The following NELL2 variants were observed in gnomAD, a reference collection of about 807,000 sequenced individuals.
The protein encoded by NELL2 is protein kinase C-binding protein NELL2.
In NELL2, 41 loss-of-function variants were observed where a neutral mutation model predicts 109.6. The ratio of observed to expected loss-of-function variants is 0.37; its 90% confidence interval spans 0.29 to 0.49. NELL2 has a LOEUF of 0.49. Ranked by LOEUF, NELL2 falls within the 20% of genes least tolerant of loss-of-function variation. The pLI, the probability that NELL2 is intolerant of heterozygous loss-of-function variation, is 0.98. For missense variants in NELL2, 900 were observed against 1,008.3 expected (o/e 0.89, Z 1.45); for synonymous variants, 355 against 344.7 (o/e 1.03, Z -0.33).
intron 2 of NELL2, among the ~76,000 whole-genome samples, chr12:44,846,834 A>G (rs189874129): frequency 3.3e-5 from 5 of 152,340 alleles, no homozygotes; most frequent in Admixed American, 2.6e-4. Context: ...TATGTATGAC[A>G]CATACAAATG....
intron 12 of NELL2, among the ~76,000 whole-genome samples, chr12:44,695,304 A>G (rs1039321553): frequency 2.0e-5 from 3 of 152,114 alleles, no homozygotes; most frequent in African/African-American, 7.2e-5. Flanking sequence ...AAAAAAAAAA[A>G]AAGAAGAAGC....
rs768969140 is a variant in NELL2 at position 44,777,027 on chromosome 12, T to C, written c.762+15A>G. Reference sequence around the variant, plus strand: ...ATTTTTAAGCTTCCACACTGTATTCTTGAGTAGCTTTTACCTTGGCTGATG... The same window carrying C: ...ATTTTTAAGCTTCCACACTGTATTCCTGAGTAGCTTTTACCTTGGCTGATG... On this transcript the variant is annotated intron_variant, in intron 7 of 19. Coordinates refer to ENST00000429094, the MANE Select transcript of NELL2 (RefSeq NM_001145108.2). 3 of 1,611,888 alleles carry C rather than the reference T, an allele frequency of 1.9e-6. No homozygotes were observed. The Admixed American group carries it at 5.0e-5, about 27-fold the overall frequency.
At chr12:44,680,809 G>A (rs1384008108) in intron 12 of NELL2, among the ~76,000 whole-genome samples, 1 of 151,924 alleles carries the variant, frequency 6.6e-6, no homozygotes, top group Non-Finnish European at 1.5e-5. Flanking sequence ...CCCCCAAATC[G>A]CAGTTATTGT....
Position 44,876,115 on chromosome 12 carries a change from G to T in NELL2, c.-246C>A. ...CACGCAGGGCCGAGGCGGCAGCGCGGCCCGGAGGGGGCCCGGAGGGAGGGG... is the reference window on the plus strand; with the variant it reads ...CACGCAGGGCCGAGGCGGCAGCGCGTCCCGGAGGGGGCCCGGAGGGAGGGG... On this transcript the variant is annotated 5_prime_UTR_variant, in exon 1 of 20. Transcript: ENST00000429094. The T allele has an allele frequency of 7.6e-7, 1 of 1,315,932 alleles. No homozygotes were observed. Among genetic ancestry groups the T allele is most frequent in the Non-Finnish European group, 9.7e-7 (1 of 1,032,768 alleles). The allele number at this position is 1,315,932 out of a possible 1,614,324, so 81.5% of individuals were successfully genotyped here. A position where few individuals can be genotyped will look rare whatever the true frequency, so the allele number is the denominator to read the frequency against.
intron 15 of NELL2, among the ~76,000 whole-genome samples, chr12:44,564,206 T>C (rs1023728371): frequency 2.0e-5 from 3 of 152,154 alleles, no homozygotes; most frequent in African/African-American, 7.2e-5. Flanking sequence ...TTCAGGTCAG[T>C]AGGGGAATGC....
At chr12:44,757,195 G>A (rs921982485) in intron 9 of NELL2, among the ~76,000 whole-genome samples, 1 of 151,940 alleles carries the variant, frequency 6.6e-6, no homozygotes, top group African/African-American at 2.4e-5. Flanking sequence ...TCATATATAC[G>A]AATCCATTTG....
intron 15 of NELL2, among the ~76,000 whole-genome samples, chr12:44,583,254 T>G (rs1944385095): frequency 6.6e-6 from 1 of 152,204 alleles, no homozygotes; most frequent in Non-Finnish European, 1.5e-5. Context: ...GGGTATAAGA[T>G]TCAAAGCTCA....
Position 44,540,785 on chromosome 12 carries a change from A to AAAAAAAAAAAAAAAAAG in NELL2, c.1664-8065_1664-8064insCTTTTTTTTTTTTTTTT, listed in dbSNP as rs1395687561. Among the ~76,000 whole-genome samples, 2 of 148,664 alleles carry AAAAAAAAAAAAAAAAAG rather than the reference A, an allele frequency of 1.3e-5. 1 individual carries two copies. Among genetic ancestry groups the AAAAAAAAAAAAAAAAAG allele is most frequent in the Non-Finnish European group, 3.0e-5 (2 of 67,172 alleles). On this transcript the variant is annotated intron_variant, in intron 15 of 19. Transcript: ENST00000429094. ...TACTAATGTAAGTCTGCAAGCCAAA[A>AAAAAAAAAAAAAAAAAG]AAAAAAAAAAAAAGCCCATCCTCAT...
chr12:44,861,319 T>A (rs1301984005), intron 2 of NELL2, among the ~76,000 whole-genome samples: 2 of 152,076 alleles, frequency 1.3e-5, no homozygotes, highest in Admixed American at 1.3e-4. Flanking sequence ...GACTCCACAG[T>A]CACAGACTCT....
chr12:44,541,250 C>A (rs374422255), intron 15 of NELL2, among the ~76,000 whole-genome samples: 801 of 78,574 alleles, frequency 0.01, no homozygotes, highest in Middle Eastern at 0.017. Context: ...GACTCCATCT[C>A]AAAAAAAAAA....
At chr12:44,755,159 CCT>C (rs1161172961) in intron 9 of NELL2, among the ~76,000 whole-genome samples, 2 of 152,146 alleles carry the variant, frequency 1.3e-5, no homozygotes, top group Non-Finnish European at 2.9e-5. Context: ...CTCCCTGAAT[CCT>C]GTTATTCCAG....
chr12:44,912,503 G>T (rs11182741), intron 1 of NELL2, among the ~76,000 whole-genome samples: 14,405 of 151,982 alleles, frequency 0.095, 866 homozygotes, highest in Admixed American at 0.17. Context: ...TTTCACAATA[G>T]AATCTTTTTT....
intron 15 of NELL2, among the ~76,000 whole-genome samples, chr12:44,588,510 C>T (rs1944627472): frequency 6.6e-6 from 1 of 152,124 alleles, no homozygotes. Flanking sequence ...AGGGATCTTC[C>T]CTTGCATGCC....
At chr12:44,780,880 C>T (rs1413629468) in intron 3 of NELL2, among the ~76,000 whole-genome samples, 1 of 152,074 alleles carries the variant, frequency 6.6e-6, no homozygotes, top group African/African-American at 2.4e-5. Flanking sequence ...CTGGCAGTAA[C>T]AAGATGGCAC....
chr12:44,779,858 T>C lies in NELL2; in HGVS notation c.500A>G (p.Asp167Gly), dbSNP rs752102409. 6.2e-7 allele frequency: 1 copy of C among 1,613,742 alleles called. No homozygotes were observed. The highest frequency in any genetic ancestry group is 1.3e-5 in the African/African-American group (1 of 74,920). The change falls in exon 4 of 20, where the codon GAC becomes GGC. Residue 167 changes from aspartate (D) to glycine (G), a missense_variant. Transcript: ENST00000429094. ...ISASHLILHI[D>G]CNKIYERVVE... The stretch of plus-strand genomic sequence containing the variant: ...AGGACACTACACTTACTTATTGCAG[T>C]CAATGTGTAAAATCAAATGGGAAGC...
At chr12:44,876,374 C>A, upstream of NELL2, 1 of 1,182,186 alleles carries the variant, frequency 8.5e-7, no homozygotes, top group East Asian at 3.6e-5. Context: ...AGGGGCGGGC[C>A]GGGGGAGGCG....
intron 1 of NELL2, among the ~76,000 whole-genome samples, chr12:44,908,510 AGG>A (rs2136889211): frequency 6.6e-6 from 1 of 152,110 alleles, no homozygotes; most frequent in Admixed American, 6.6e-5. Flanking sequence ...GAATGAACAT[AGG>A]GATGAGTGAG....
chr12:44,542,116 T>C (rs1942598829), intron 15 of NELL2, among the ~76,000 whole-genome samples: 1 of 152,170 alleles, frequency 6.6e-6, no homozygotes, highest in Non-Finnish European at 1.5e-5. Flanking sequence ...CCATGCATTA[T>C]TTAAAAATAT....
At chr12:44,821,479 A>G (rs1943541359) in intron 2 of NELL2, among the ~76,000 whole-genome samples, 1 of 152,256 alleles carries the variant, frequency 6.6e-6, no homozygotes, top group Admixed American at 6.5e-5. Context: ...TTAAGTAAGT[A>G]GGTGAGTAGT....
Sources: allele counts gnomAD v4.1 joint callset (sites outside exome capture counted in the v4.1 genomes callset), GRCh38; gene constraint gnomAD v4.1.1; transcripts MANE v1.5; gene names NCBI Gene and HGNC (gene_info 2026-07-23, HGNC 2026-07-21).